The following USH2A variants were observed in gnomAD, a reference collection of about 807,000 sequenced individuals.
The protein encoded by USH2A is usherin.
Under a neutral mutation model 538.9 loss-of-function variants are expected in USH2A, and 443 were observed. The observed-to-expected ratio is 0.82, with a 90% CI of 0.76 to 0.89. The LOEUF is 0.89. Ranked by LOEUF, USH2A falls within the 40% of genes least tolerant of loss-of-function variation. The probability of loss-of-function intolerance (pLI) is 0.00; values close to 1 mark genes in which losing one functional copy is unlikely to be tolerated. For missense variants in USH2A, 6,633 were observed against 6,324.8 expected (o/e 1.05, Z -1.65); for synonymous variants, 2,413 against 2,273.5 (o/e 1.06, Z -1.75).
At chr1:216,004,483 G>C (rs187772586) in intron 32 of USH2A, among the ~76,000 whole-genome samples, 2 of 152,122 alleles carry the variant, frequency 1.3e-5, no homozygotes, top group African/African-American at 4.8e-5. Context: ...CGGCCATCGG[G>C]TATAACAATA....
At chr1:215,951,800 A>G (rs1181931533) in intron 37 of USH2A, among the ~76,000 whole-genome samples, 2 of 151,700 alleles carry the variant, frequency 1.3e-5, no homozygotes, top group African/African-American at 4.8e-5. Context: ...TCCATTTACC[A>G]TTCTGTAATG....
chr1:216,397,731 T>C (rs2039235784), intron 3 of USH2A, among the ~76,000 whole-genome samples: 1 of 152,240 alleles, frequency 6.6e-6, no homozygotes, highest in African/African-American at 2.4e-5. Context: ...CCTTAGACTA[T>C]GGGATGCACT....
intron 55 of USH2A, among the ~76,000 whole-genome samples, chr1:215,773,150 G>A (rs1661341807): frequency 6.6e-6 from 1 of 152,094 alleles, no homozygotes; most frequent in Non-Finnish European, 1.5e-5. Context: ...ATGTAAAATC[G>A]AGCTGCAGAC....
chr1:216,105,913 T>C (rs2032719164), intron 21 of USH2A, among the ~76,000 whole-genome samples: 1 of 151,802 alleles, frequency 6.6e-6, no homozygotes, highest in African/African-American at 2.4e-5. Context: ...GTTCAATTAA[T>C]TTTGTTTATA....
chr1:215,809,937 G>T (rs1343090947), intron 49 of USH2A, among the ~76,000 whole-genome samples: 1 of 152,056 alleles, frequency 6.6e-6, no homozygotes, highest in Non-Finnish European at 1.5e-5. Flanking sequence ...TTCCCCCTCA[G>T]TGTAACCAGT....
intron 56 of USH2A, among the ~76,000 whole-genome samples, chr1:215,763,818 C>A (rs1364831703): frequency 6.6e-6 from 1 of 151,862 alleles, no homozygotes; most frequent in Non-Finnish European, 1.5e-5. Context: ...CTATGAGGAT[C>A]TGAACTAAGG....
chr1:216,052,931 G>C (rs1376134493), intron 30 of USH2A, among the ~76,000 whole-genome samples: 1 of 152,196 alleles, frequency 6.6e-6, no homozygotes, highest in African/African-American at 2.4e-5. Context: ...TTTGCTTTAA[G>C]TGTCAGGGTT....
At chr1:216,359,708 AAG>A (rs1256993688) in intron 4 of USH2A, among the ~76,000 whole-genome samples, 1 of 152,122 alleles carries the variant, frequency 6.6e-6, no homozygotes, top group African/African-American at 2.4e-5. Flanking sequence ...AACATTCAAA[AAG>A]AGTTGAGTTC....
chr1:215,842,508 T>A (rs1340624501), intron 46 of USH2A, among the ~76,000 whole-genome samples: 2 of 152,118 alleles, frequency 1.3e-5, no homozygotes, highest in African/African-American at 4.8e-5. Context: ...TACAAGCACA[T>A]ATATGTTCAT....
chr1:215,647,823 T>C (rs1656910088), intron 66 of USH2A, 93 bp from the exon 67 acceptor site: 1 of 1,467,124 alleles, frequency 6.8e-7, no homozygotes, highest in African/African-American at 1.4e-5. Context: ...GAGGAGACAT[T>C]TTGTTTTCAC....
chr1:216,386,597 C>CA (rs2039012893), intron 3 of USH2A, among the ~76,000 whole-genome samples: 1 of 148,984 alleles, frequency 6.7e-6, no homozygotes, highest in Non-Finnish European at 1.5e-5. Context: ...CCTGTAATCT[C>CA]AGCACTTTGG....
At chr1:216,215,696 A>G (rs1354125704) in intron 15 of USH2A, among the ~76,000 whole-genome samples, 3 of 152,124 alleles carry the variant, frequency 2.0e-5, no homozygotes, top group African/African-American at 7.2e-5. Context: ...CAACAACCAC[A>G]AGAGTTGAAG....
At chr1:216,113,267 C>G (rs1355517199) in intron 21 of USH2A, among the ~76,000 whole-genome samples, 1 of 151,836 alleles carries the variant, frequency 6.6e-6, no homozygotes, top group Non-Finnish European at 1.5e-5. Flanking sequence ...AATGGAGATA[C>G]TGAATTGCAT....
intron 64 of USH2A, among the ~76,000 whole-genome samples, chr1:215,655,530 C>T (rs1478630128): frequency 6.6e-6 from 1 of 152,032 alleles, no homozygotes; most frequent in Non-Finnish European, 1.5e-5. Flanking sequence ...CCCAATTTCT[C>T]TCAACCCAAC....
At chr1:216,211,708 G>A (rs2035244981) in intron 15 of USH2A, among the ~76,000 whole-genome samples, 1 of 152,152 alleles carries the variant, frequency 6.6e-6, no homozygotes, top group South Asian at 2.1e-4. Flanking sequence ...TAGGAAAAGA[G>A]TAGCAACAAT....
chr1:216,020,519 T>C (rs1256758066), intron 32 of USH2A, among the ~76,000 whole-genome samples: 1 of 152,192 alleles, frequency 6.6e-6, no homozygotes, highest in Non-Finnish European at 1.5e-5. Flanking sequence ...GTACCAGGTT[T>C]CTGGCACAGA....
At chr1:216,190,724 G>A (rs1572033425) in intron 19 of USH2A, among the ~76,000 whole-genome samples, 1 of 151,846 alleles carries the variant, frequency 6.6e-6, no homozygotes, top group East Asian at 1.9e-4. Flanking sequence ...AAAGCCATGG[G>A]GCTTGGCCAA....
At chr1:215,635,986 G>A (rs1656470818) in intron 69 of USH2A, among the ~76,000 whole-genome samples, 1 of 151,730 alleles carries the variant, frequency 6.6e-6, no homozygotes, top group Non-Finnish European at 1.5e-5. Context: ...TGGGGGTGGG[G>A]TGGCCAGAGA....
At chr1:216,115,082 A>G (rs1217103300) in intron 21 of USH2A, among the ~76,000 whole-genome samples, 2 of 151,414 alleles carry the variant, frequency 1.3e-5, no homozygotes, top group Non-Finnish European at 2.9e-5. Flanking sequence ...TCAACCCCAA[A>G]TTGCCCTTAC....
Sources: gnomAD v4.1 joint callset for allele counts (sites outside exome capture counted in the v4.1 genomes callset) on GRCh38, gnomAD v4.1.1 for gene constraint, MANE v1.5 for transcripts, NCBI Gene and HGNC (gene_info 2026-07-23, HGNC 2026-07-21) for gene names.